CD86: variants seen among roughly 807,000 people sequenced by gnomAD.
CD86 encodes CD86 molecule, also known as T-lymphocyte activation antigen CD86.
CD86 carries 11 observed loss-of-function variants against 32.1 expected under a neutral mutation model. The observed-to-expected ratio is 0.34, with a 90% CI of 0.22 to 0.57. The LOEUF (loss-of-function observed/expected upper bound fraction) is 0.57, where lower values mean the gene tolerates loss of function less well. Ranked by LOEUF, CD86 falls within the 20% of genes least tolerant of loss-of-function variation. The pLI, the probability that CD86 is intolerant of heterozygous loss-of-function variation, is 0.86. For missense variants in CD86, 359 were observed against 398.4 expected (o/e 0.90, Z 0.84); for synonymous variants, 137 against 135.3 (o/e 1.01, Z -0.09).
chr3:122,062,100 A>C (rs143210821), intron 1 of CD86, among the ~76,000 whole-genome samples: 233 of 151,952 alleles, frequency 1.5e-3, no homozygotes, highest in African/African-American at 4.9e-3. Context: ...AAAAAAAAAA[A>C]CAAAAACTAA....
intron 1 of CD86, among the ~76,000 whole-genome samples, chr3:122,070,995 T>G (rs1051717439): frequency 6.6e-6 from 1 of 152,166 alleles, no homozygotes; most frequent in Non-Finnish European, 1.5e-5. Context: ...CAGTTTTAGA[T>G]TTTCAAAAAA....
At position 122,109,383 on chromosome 3, in the gene CD86, G is replaced by A; in HGVS notation, c.822G>A (p.Lys274=). Residue 274 remains lysine, a synonymous_variant, in exon 5 of 7, where the codon AAG becomes AAA. Coordinates refer to ENST00000330540, the MANE Select transcript of CD86 (RefSeq NM_175862.5). Reference sequence around the variant, plus strand: ...TTCTATGGAAATGGAAGAAGAAGAAGCGGCCTCGCAACTCTTATAAATGTG... The same window carrying A: ...TTCTATGGAAATGGAAGAAGAAGAAACGGCCTCGCAACTCTTATAAATGTG... The part of the protein sequence containing the change: ...CLILWKWKKK[K]RPRNSYKCGT... 3 of 1,614,098 alleles carry A rather than the reference G, an allele frequency of 1.9e-6. No individual in the cohort carries two copies. Among genetic ancestry groups the A allele is most frequent in the Non-Finnish European group, 2.5e-6 (3 of 1,179,990 alleles).
At chr3:122,118,645 C>T (rs912119850) in intron 6 of CD86, among the ~76,000 whole-genome samples, 4 of 152,198 alleles carry the variant, frequency 2.6e-5, no homozygotes, top group African/African-American at 9.7e-5. Flanking sequence ...TTGGCTTTTT[C>T]TTAATAACAC....
intron 1 of CD86, among the ~76,000 whole-genome samples, chr3:122,066,142 G>C (rs1339151757): frequency 6.6e-6 from 1 of 152,098 alleles, no homozygotes; most frequent in Non-Finnish European, 1.5e-5. Flanking sequence ...ATTGGCTGAG[G>C]GTCCCAGTCA....
chr3:122,062,638 G>A (rs902954981), intron 1 of CD86, among the ~76,000 whole-genome samples: 5 of 152,136 alleles, frequency 3.3e-5, no homozygotes, highest in African/African-American at 9.7e-5. Flanking sequence ...CCAGGGTTTT[G>A]AGCTAGTTTG....
intron 2 of CD86, among the ~76,000 whole-genome samples, chr3:122,099,218 A>G (rs1173706176): frequency 6.6e-6 from 1 of 152,154 alleles, no homozygotes; most frequent in Non-Finnish European, 1.5e-5. Flanking sequence ...CAATGAGGAG[A>G]GATGCCAACA....
intron 2 of CD86, among the ~76,000 whole-genome samples, chr3:122,095,295 C>G (rs780527866): frequency 2.6e-5 from 4 of 151,864 alleles, no homozygotes; most frequent in Non-Finnish European, 4.4e-5. Flanking sequence ...CCTCAGCCTC[C>G]CAAGTAGCTG....
chr3:122,081,419 C>T (rs557374353), intron 1 of CD86, among the ~76,000 whole-genome samples: 129 of 152,282 alleles, frequency 8.5e-4, no homozygotes, highest in Non-Finnish European at 1.6e-3. Flanking sequence ...TCAATCAACA[C>T]TAAAAAGTGG....
chr3:122,076,962 C>T (rs1382304915), intron 1 of CD86, among the ~76,000 whole-genome samples: 1 of 152,208 alleles, frequency 6.6e-6, no homozygotes, highest in Non-Finnish European at 1.5e-5. Flanking sequence ...CCTTGCACCA[C>T]ACGCTTTTGT....
At chr3:122,067,358 C>T (rs2072429948) in intron 1 of CD86, among the ~76,000 whole-genome samples, 1 of 152,128 alleles carries the variant, frequency 6.6e-6, no homozygotes. Context: ...CAAGAGGTGA[C>T]AAAGACTCTA....
chr3:122,055,438 A>G lies in CD86; in HGVS notation c.-52A>G. 6.3e-7 allele frequency: 1 copy of G among 1,597,030 alleles called. No homozygotes were observed. Among genetic ancestry groups the G allele is most frequent in the Non-Finnish European group, 8.6e-7 (1 of 1,164,412 alleles). On this transcript the variant is annotated 5_prime_UTR_variant, in exon 1 of 7. Coordinates refer to ENST00000330540, the MANE Select transcript of CD86 (RefSeq NM_175862.5). ...CTGTAACAGGGACTAGCACAGACAC[A>G]CGGATGAGTGGGGTCATTTCCAGAT...
At chr3:122,101,495 GAA>G (rs72402574) in intron 2 of CD86, among the ~76,000 whole-genome samples, 120 of 53,318 alleles carry the variant, frequency 2.3e-3, no homozygotes, top group Middle Eastern at 0.01. Context: ...AGGCTCTACA[GAA>G]AAAAAAAAAA....
At chr3:122,060,931 GA>G (rs963845392) in intron 1 of CD86, among the ~76,000 whole-genome samples, 35 of 151,626 alleles carry the variant, frequency 2.3e-4, no homozygotes, top group African/African-American at 7.7e-4. Context: ...AACAGAATGG[GA>G]AAAAAAACCC....
intron 1 of CD86, among the ~76,000 whole-genome samples, chr3:122,060,582 G>A (rs555560455): frequency 1.2e-4 from 18 of 151,792 alleles, no homozygotes; most frequent in African/African-American, 3.1e-4. Flanking sequence ...GAGGAGTTCC[G>A]TTCAAGACCA....
chr3:122,107,000 T>C (rs1173387983), intron 4 of CD86, among the ~76,000 whole-genome samples: 1 of 152,058 alleles, frequency 6.6e-6, no homozygotes, highest in Non-Finnish European at 1.5e-5. Context: ...TCCAATAGAA[T>C]CAGAACCCTG....
At chr3:122,072,490 G>C (rs1212295776) in intron 1 of CD86, among the ~76,000 whole-genome samples, 1 of 152,204 alleles carries the variant, frequency 6.6e-6, no homozygotes, top group Non-Finnish European at 1.5e-5. Flanking sequence ...GTGATGGTGA[G>C]CATTTTTTCA....
intron 1 of CD86, among the ~76,000 whole-genome samples, chr3:122,056,792 C>T (rs376219039): frequency 6.6e-6 from 1 of 151,928 alleles, no homozygotes; most frequent in African/African-American, 2.4e-5. Flanking sequence ...AATTTTGAAG[C>T]GTTATACTTG....
At chr3:122,091,749 A>T (rs896013374) in intron 2 of CD86, 99 bp downstream of exon 2, 7 of 930,312 alleles carry the variant, frequency 7.5e-6, no homozygotes, top group Non-Finnish European at 1.2e-5. Context: ...GGTTTTACTC[A>T]CTTTCTACTG....
At chr3:122,117,904 C>A in intron 5 of CD86, 144 bp from the exon 6 acceptor site, 1 of 663,806 alleles carries the variant, frequency 1.5e-6, no homozygotes, top group Non-Finnish European at 2.7e-6. Context: ...CCTGAAATTG[C>A]ATCATTTGAG....
Sources: gnomAD v4.1 joint callset for allele counts (sites outside exome capture counted in the v4.1 genomes callset) on GRCh38, gnomAD v4.1.1 for gene constraint, MANE v1.5 for transcripts, NCBI Gene and HGNC (gene_info 2026-07-23, HGNC 2026-07-21) for gene names.